The following SEMA3C variants were observed in gnomAD, a reference collection of about 807,000 sequenced individuals.
SEMA3C encodes the protein semaphorin-3C.
SEMA3C carries 47 observed loss-of-function variants against 89.4 expected under a neutral mutation model. That is an observed-to-expected ratio of 0.53 (90% CI 0.42 to 0.67). SEMA3C has a LOEUF of 0.67. Among genes scored for constraint, SEMA3C ranks in the 30% least tolerant of loss-of-function variants. The pLI is 0.00. For missense variants in SEMA3C, 839 were observed against 929.1 expected (o/e 0.90, Z 1.26); for synonymous variants, 310 against 320.2 (o/e 0.97, Z 0.34).
intron 2 of SEMA3C, among the ~76,000 whole-genome samples, chr7:80,869,146 AG>A (rs1466326017): frequency 6.6e-6 from 1 of 152,208 alleles, no homozygotes; most frequent in Non-Finnish European, 1.5e-5. Flanking sequence ...CACAATTTTT[AG>A]TCGCTGGAAT....
chr7:80,858,963 T>A (rs924406364), intron 2 of SEMA3C, among the ~76,000 whole-genome samples: 1 of 152,174 alleles, frequency 6.6e-6, no homozygotes, highest in Non-Finnish European at 1.5e-5. Context: ...GTCCTCTTTA[T>A]TATAACACTC....
chr7:80,908,013 T>G (rs1792055125), intron 2 of SEMA3C, among the ~76,000 whole-genome samples: 1 of 152,096 alleles, frequency 6.6e-6, no homozygotes, highest in Non-Finnish European at 1.5e-5. Flanking sequence ...TAGAAAAATA[T>G]CATTTGTATA....
chr7:80,796,701 A>G (rs1240269052), intron 11 of SEMA3C: 1 of 152,246 alleles, frequency 6.6e-6, no homozygotes, highest in African/African-American at 2.4e-5. Context: ...CTTATAATTA[A>G]GAATGACCTA....
At chr7:80,857,430 T>G (rs1424079396) in intron 2 of SEMA3C, among the ~76,000 whole-genome samples, 1 of 152,078 alleles carries the variant, frequency 6.6e-6, no homozygotes, top group Non-Finnish European at 1.5e-5. Context: ...AAAAACAAAA[T>G]CCAATGTATA....
rs1246250089 is a variant in SEMA3C, at chr7:80,795,932, C to G, written c.1131+2160G>C. ...GGTGTACATTATCTGCTCTTGTAAC[C>G]TGGGTCCATGCTGGCTCCAGCACAG... is the stretch of plus-strand genomic sequence containing the variant. On this transcript the variant is annotated intron_variant, in intron 11 of 17. Transcript: ENST00000265361. Among the ~76,000 whole-genome samples the G allele has an allele frequency of 3.3e-5, 5 of 152,200 alleles. No homozygotes were observed. In the East Asian group the frequency reaches 9.6e-4, roughly 29 times the overall value.
At chr7:80,916,908 A>G in intron 1 of SEMA3C, 89 bp from the exon 2 acceptor site, 6 of 1,040,916 alleles carry the variant, frequency 5.8e-6, no homozygotes, top group Non-Finnish European at 8.2e-6. Flanking sequence ...CACCCTATTC[A>G]CAAAAGAACC....
chr7:80,758,180 TC>T (rs1178587184), intron 15 of SEMA3C, 150 bp downstream of exon 15: 1 of 790,732 alleles, frequency 1.3e-6, no homozygotes, highest in East Asian at 2.5e-5. Context: ...ACCATTTTCT[TC>T]ATTCAAAGAC....
Position 80,788,634 on chromosome 7 carries a change from A to G in SEMA3C, c.1354+672T>C, listed in dbSNP as rs1788860230. On this transcript the variant is annotated intron_variant, in intron 12 of 17. Transcript: ENST00000265361. ...TGGGTCTATAAACAAGCACATTTTC[A>G]TTCAACTTCTATCAGAGTAAACTGA... Among the ~76,000 whole-genome samples the G allele has an allele frequency of 2.0e-5, 3 of 152,186 alleles. No individual in the cohort carries two copies. In the South Asian group the frequency reaches 6.2e-4, roughly 31 times the overall value.
chr7:80,784,946 T>C (rs1208065759), intron 12 of SEMA3C, among the ~76,000 whole-genome samples: 1 of 152,176 alleles, frequency 6.6e-6, no homozygotes, highest in African/African-American at 2.4e-5. Flanking sequence ...ATAGACTAGA[T>C]ACCAGTAATG....
chr7:80,868,928 G>C (rs139648021), intron 2 of SEMA3C, among the ~76,000 whole-genome samples: 2 of 152,042 alleles, frequency 1.3e-5, no homozygotes, highest in Admixed American at 6.6e-5. Flanking sequence ...CTTTTCAAAG[G>C]AAATGCTGCA....
chr7:80,874,831 T>C (rs762152752), intron 2 of SEMA3C, among the ~76,000 whole-genome samples: 1 of 151,960 alleles, frequency 6.6e-6, no homozygotes, highest in African/African-American at 2.4e-5. Context: ...TTTAAAAAAA[T>C]AGCACTTTAG....
At chr7:80,877,553 T>C (rs901707655) in intron 2 of SEMA3C, among the ~76,000 whole-genome samples, 8 of 152,204 alleles carry the variant, frequency 5.3e-5, no homozygotes, top group African/African-American at 1.2e-4. Flanking sequence ...AATGTTTTCA[T>C]GCCATTTGGC....
chr7:80,891,697 C>T (rs927701520), intron 2 of SEMA3C, among the ~76,000 whole-genome samples: 6 of 151,988 alleles, frequency 3.9e-5, no homozygotes, highest in Non-Finnish European at 8.8e-5. Flanking sequence ...GGAAAATAGT[C>T]TAACCCTTCC....
intron 2 of SEMA3C, among the ~76,000 whole-genome samples, chr7:80,906,981 C>CA (rs1386099045): frequency 7.2e-5 from 11 of 152,094 alleles, no homozygotes; most frequent in African/African-American, 2.4e-5. Flanking sequence ...ATAATACTAG[C>CA]ATATAGAACC....
At chr7:80,900,342 T>C (rs867955945) in intron 2 of SEMA3C, among the ~76,000 whole-genome samples, 11 of 152,186 alleles carry the variant, frequency 7.2e-5, no homozygotes, top group South Asian at 6.2e-4. Flanking sequence ...CTCAATCTCC[T>C]GACCTCGTGA....
At chr7:80,803,609 T>G (rs1411775303) in intron 8 of SEMA3C, among the ~76,000 whole-genome samples, 1 of 152,158 alleles carries the variant, frequency 6.6e-6, no homozygotes, top group African/African-American at 2.4e-5. Flanking sequence ...ACAAGAGCAT[T>G]TTGGTTACTG....
rs960797518 is a variant in SEMA3C, at chr7:80,846,216, C to A, written c.104-17471G>T. Among the ~76,000 whole-genome samples, 3 of 152,094 alleles carry A rather than the reference C, an allele frequency of 2.0e-5. No homozygotes were observed. The East Asian group carries it at 5.8e-4, about 29-fold the overall frequency. The stretch of plus-strand genomic sequence containing the variant: ...CCTTGCTACCTCCTCAGCCTGATGC[C>A]TGGTATTTTTTCCTTGATCTTTATG... On this transcript the variant is annotated intron_variant, in intron 2 of 17. Transcript: ENST00000265361.
At chr7:80,790,598 C>G (rs948719252) in intron 11 of SEMA3C, among the ~76,000 whole-genome samples, 2 of 152,152 alleles carry the variant, frequency 1.3e-5, no homozygotes, top group Admixed American at 1.3e-4. Context: ...CTGCTCTTCC[C>G]TGTCCGGCAT....
intron 11 of SEMA3C, chr7:80,796,382 TG>T (rs1789064933): frequency 6.6e-6 from 1 of 152,264 alleles, no homozygotes; most frequent in South Asian, 2.1e-4. Context: ...AGTCTTTTTT[TG>T]TTTTTGTTTT....
Sources: allele counts gnomAD v4.1 joint callset (sites outside exome capture counted in the v4.1 genomes callset), GRCh38; gene constraint gnomAD v4.1.1; transcripts MANE v1.5; gene names NCBI Gene and HGNC (gene_info 2026-07-23, HGNC 2026-07-21).